STON2: variants seen among roughly 807,000 people sequenced by gnomAD.
STON2 encodes the protein stonin-2.
Under a neutral mutation model 65.7 loss-of-function variants are expected in STON2, and 29 were observed. The observed-to-expected ratio is 0.44, with a 90% CI of 0.33 to 0.60. The LOEUF is 0.60. Among genes scored for constraint, STON2 ranks in the 20% least tolerant of loss-of-function variants. The probability of loss-of-function intolerance (pLI) is 0.03; values close to 1 mark genes in which losing one functional copy is unlikely to be tolerated. For missense variants in STON2, 1,054 were observed against 1,118.1 expected (o/e 0.94, Z 0.82); for synonymous variants, 404 against 414.2 (o/e 0.98, Z 0.30).
chr14:81,295,243 T>A (rs1202114960), intron 5 of STON2, among the ~76,000 whole-genome samples: 1 of 152,146 alleles, frequency 6.6e-6, no homozygotes, highest in African/African-American at 2.4e-5. Context: ...GAGAATGGCT[T>A]GAACCCGGGA....
chr14:81,278,783 T>TA, intron 5 of STON2, 44 bp from the exon 6 acceptor site: 1 of 1,445,418 alleles, frequency 6.9e-7, no homozygotes, highest in South Asian at 1.5e-5. Context: ...TCAGGGGCTC[T>TA]AGAGGTAAGG....
chr14:81,380,080 T>C lies in STON2; in HGVS notation c.374-8895A>G, dbSNP rs533096609. 7.4e-4 allele frequency among the ~76,000 whole-genome samples: 112 copies of C among 152,264 alleles called. 2 individuals carry two copies. The highest frequency in any genetic ancestry group is 2.5e-3 in the African/African-American group (104 of 41,556). On this transcript the variant is annotated intron_variant, in intron 3 of 7. Transcript: ENST00000614646. ...GACAATCTACAAAGTGGGAAAAATA[T>C]TTGCAAACTATGCATCTGACAAAGG...
chr14:81,315,415 G>A (rs1426181142), intron 5 of STON2, among the ~76,000 whole-genome samples: 1 of 152,178 alleles, frequency 6.6e-6, no homozygotes, highest in Admixed American at 6.5e-5. Flanking sequence ...CTGTCTCTTT[G>A]TCTCCAAAAA....
At chr14:81,272,630 C>T (rs1204915915) in intron 6 of STON2, among the ~76,000 whole-genome samples, 1 of 152,054 alleles carries the variant, frequency 6.6e-6, no homozygotes, top group African/African-American at 2.4e-5. Flanking sequence ...AAGAGTAATG[C>T]TTTGGAATAT....
Position 81,407,161 on chromosome 14 carries a change from G to A in STON2, c.-198-8581C>T, listed in dbSNP as rs1008239192. ...AGATGTTGCTGTTTTGTGGTTGTTCGCTGCAGAAGAAGGGCTAGTTACCAA... is the reference window on the plus strand; with the variant it reads ...AGATGTTGCTGTTTTGTGGTTGTTCACTGCAGAAGAAGGGCTAGTTACCAA... On this transcript the variant is annotated intron_variant, in intron 2 of 8. Coordinates refer to the STON2 transcript ENST00000553821. Among the ~76,000 whole-genome samples the A allele has an allele frequency of 1.2e-4, 19 of 152,126 alleles. 1 individual carries two copies. Among genetic ancestry groups the A allele is most frequent in the Middle Eastern group, 6.3e-3 (2 of 316 alleles).
intron 5 of STON2, among the ~76,000 whole-genome samples, chr14:81,313,683 TA>T (rs1208240345): frequency 1.3e-5 from 2 of 151,592 alleles, no homozygotes. Flanking sequence ...TAATCCCAGC[TA>T]CTCAGGGGGT....
intron 5 of STON2, among the ~76,000 whole-genome samples, chr14:81,308,818 ATATATATG>A (rs1283210536): frequency 0.055 from 567 of 10,378 alleles, 1 homozygote; most frequent in Non-Finnish European, 0.072. Context: ...ATATATATAT[ATATATATG>A]TGTGTGTGTG....
Position 81,302,948 on chromosome 14 carries a change from T to G in STON2, c.742+21069A>C, listed in dbSNP as rs1247299410. ...ATGTAAGGCACTGCCATCTATAGTT[T>G]GGAGGGGCAGGAACAAGTAGAAAAA... On this transcript the variant is annotated intron_variant, in intron 5 of 7. Transcript: ENST00000614646. 2.0e-5 allele frequency among the ~76,000 whole-genome samples: 3 copies of G among 152,178 alleles called. No homozygotes were observed. The South Asian group carries it at 6.2e-4, about 31-fold the overall frequency.
chr14:81,332,002 T>C (rs1028893325), intron 4 of STON2, among the ~76,000 whole-genome samples: 16 of 152,194 alleles, frequency 1.1e-4, no homozygotes, highest in Admixed American at 2.0e-4. Flanking sequence ...AAGTCGGCAA[T>C]AAAATGGGTC....
intron 5 of STON2, among the ~76,000 whole-genome samples, chr14:81,298,482 G>A (rs1240899292): frequency 1.3e-5 from 2 of 151,976 alleles, no homozygotes; most frequent in African/African-American, 4.8e-5. Flanking sequence ...AAGTCACCCT[G>A]GACTCAGACT....
chr14:81,374,739 G>A (rs1374877358), intron 3 of STON2, among the ~76,000 whole-genome samples: 1 of 152,088 alleles, frequency 6.6e-6, no homozygotes, highest in African/African-American at 2.4e-5. Context: ...CACACGGAGG[G>A]CAGCGTGAGA....
At position 81,398,423 on chromosome 14, in the gene STON2, G is replaced by T. The variant is rs746028556; in HGVS notation, c.-41C>A. On this transcript the variant is annotated 5_prime_UTR_variant, in exon 2 of 8. Coordinates refer to ENST00000614646, the MANE Select transcript of STON2 (RefSeq NM_001394390.1). The stretch of plus-strand genomic sequence containing the variant: ...GTCATCTTCACACTGCTGACCTCAG[G>T]TGAACCCCAGAATACTGTCTGGGGT... The T allele has an allele frequency of 2.0e-6, 3 of 1,522,954 alleles. 1 individual carries two copies. The South Asian group carries it at 3.4e-5, about 17-fold the overall frequency. 94.3% of individuals were successfully genotyped at this position (1,522,954 alleles called of 1,614,324 possible).
At chr14:81,422,812 T>C (rs902337353) in intron 2 of STON2, among the ~76,000 whole-genome samples, 6 of 151,992 alleles carry the variant, frequency 3.9e-5, no homozygotes, top group African/African-American at 1.5e-4. Flanking sequence ...GGCGGGCAGA[T>C]CACGAGGTCA....
At chr14:81,401,241 A>G (rs758825025), upstream of STON2, among the ~76,000 whole-genome samples, 3 of 152,196 alleles carry the variant, frequency 2.0e-5, no homozygotes, top group Non-Finnish European at 4.4e-5. Flanking sequence ...TCTTCATTAT[A>G]GATATAGGTG....
At chr14:81,373,999 C>CTTTTTTTTTTTTTTTTT (rs57877137) in intron 3 of STON2, among the ~76,000 whole-genome samples, 2 of 60,468 alleles carry the variant, frequency 3.3e-5, no homozygotes, top group African/African-American at 1.6e-4. Flanking sequence ...ATAATAATGC[C>CTTTTTTTTTTTTTTTTT]TTTTTTTTTT....
Position 81,398,469 on chromosome 14 carries a change from T to C in STON2, c.-87A>G. ...GGGGTGGGCTGGAGTAGGGGTATGG[T>C]AGTACGGTAGACTTGGGTCCAGGGT... On this transcript the variant is annotated 5_prime_UTR_variant, in exon 2 of 8. Coordinates refer to ENST00000614646, the MANE Select transcript of STON2 (RefSeq NM_001394390.1). 2 of 1,003,520 alleles carry C rather than the reference T, an allele frequency of 2.0e-6. No homozygotes were observed. Among genetic ancestry groups the C allele is most frequent in the Admixed American group, 1.9e-5 (1 of 53,482 alleles). 62.2% of individuals were successfully genotyped at this position (1,003,520 alleles called of 1,614,324 possible). A position where few individuals can be genotyped will look rare whatever the true frequency, so the allele number is the denominator to read the frequency against.
Position 81,277,012 on chromosome 14 carries a change from T to C in STON2, c.2470A>G (p.Ser824Gly), listed in dbSNP as rs771022493. 9 of 1,614,100 alleles carry C rather than the reference T, an allele frequency of 5.6e-6. No homozygotes were observed. In the South Asian group the frequency reaches 7.7e-5, roughly 14 times the overall value. ...VNRGASFGST[S>G]VSGSEPVMRV... The stretch of plus-strand genomic sequence containing the variant: ...ATGACAGGCTCAGAGCCAGAAACAC[T>C]AGTGGAGCCAAAACTTGCCCCCCGG... The change falls in exon 6 of 8, where the codon AGT (serine) becomes GGT (glycine). Residue 824 changes from serine to glycine, a missense_variant. Ser to Gly is a moderately conservative substitution (Grantham distance 56, BLOSUM62 0). Transcript: ENST00000614646.
intron 5 of STON2, among the ~76,000 whole-genome samples, chr14:81,291,262 C>T (rs563821760): frequency 2.0e-5 from 3 of 151,890 alleles, no homozygotes; most frequent in South Asian, 2.1e-4. Flanking sequence ...GTATGAAGTA[C>T]AATTATGAAG....
chr14:81,272,589 C>T (rs1167006440), intron 6 of STON2, among the ~76,000 whole-genome samples: 1 of 152,178 alleles, frequency 6.6e-6, no homozygotes, highest in East Asian at 1.9e-4. Context: ...CTCTGTTTCA[C>T]AAACGTAACA....
Sources: gnomAD v4.1 joint callset for allele counts (sites outside exome capture counted in the v4.1 genomes callset) on GRCh38, gnomAD v4.1.1 for gene constraint, MANE v1.5 for transcripts, NCBI Gene and HGNC (gene_info 2026-07-23, HGNC 2026-07-21) for gene names.